Variants in EXOC6B observed in about 807,000 individuals in gnomAD.
EXOC6B encodes the protein SEC15 homolog B.
In EXOC6B, 54 loss-of-function variants were observed where a neutral mutation model predicts 113.5. The observed-to-expected ratio is 0.48, with a 90% CI of 0.38 to 0.60. The LOEUF (loss-of-function observed/expected upper bound fraction) is 0.60, where lower values mean the gene tolerates loss of function less well. Among genes scored for constraint, EXOC6B ranks in the 20% least tolerant of loss-of-function variants. The pLI is 0.00. For missense variants in EXOC6B, 797 were observed against 977.5 expected, an observed-to-expected ratio of 0.82 and a Z score of 2.46; for synonymous variants, 357 against 339.0, an observed-to-expected ratio of 1.05 and a Z score of -0.58.
chr2:72,619,745 A>C (rs1671631671), intron 6 of EXOC6B, among the ~76,000 whole-genome samples: 1 of 152,206 alleles, frequency 6.6e-6, no homozygotes, highest in African/African-American at 2.4e-5. Context: ...GAGGGAACTG[A>C]GGGACAGCTC....
chr2:72,638,716 G>T (rs1673016447), intron 6 of EXOC6B, among the ~76,000 whole-genome samples: 2 of 152,230 alleles, frequency 1.3e-5, no homozygotes, highest in Non-Finnish European at 1.5e-5. Context: ...GCTTAGAGAA[G>T]TGGTAGGGGC....
intron 8 of EXOC6B, among the ~76,000 whole-genome samples, chr2:72,520,941 C>T (rs550183374): frequency 6.6e-6 from 1 of 152,242 alleles, no homozygotes; most frequent in South Asian, 2.1e-4. Context: ...CCCAATTCCC[C>T]TTATCCCATA....
chr2:72,512,351 G>A (rs1409246492), intron 11 of EXOC6B, among the ~76,000 whole-genome samples: 15 of 8,326 alleles, frequency 1.8e-3, no homozygotes, highest in African/African-American at 3.4e-3. Flanking sequence ...AAGGAAGGAA[G>A]GAAGGAAGGA....
chr2:72,248,758 C>T (rs1044852344), intron 20 of EXOC6B, among the ~76,000 whole-genome samples: 3 of 152,094 alleles, frequency 2.0e-5, no homozygotes, highest in East Asian at 1.9e-4. Context: ...CAAAAAAAGA[C>T]ACACAGTGGC....
At chr2:72,297,515 C>T (rs1416107169) in intron 20 of EXOC6B, among the ~76,000 whole-genome samples, 2 of 152,102 alleles carry the variant, frequency 1.3e-5, no homozygotes, top group African/African-American at 4.8e-5. Context: ...TTCAGTTCTG[C>T]TCTGATCTTA....
chr2:72,736,310 TGGGCATCTTAGAGTAC>T (rs1680956889), intron 2 of EXOC6B, among the ~76,000 whole-genome samples: 6 of 152,166 alleles, frequency 3.9e-5, no homozygotes, highest in African/African-American at 1.4e-4. Context: ...AAAGAAATAA[TGGGCATCTTAGAGTAC>T]GATTTCTTTT....
intron 20 of EXOC6B, among the ~76,000 whole-genome samples, chr2:72,268,558 T>A (rs2104616345): frequency 6.6e-6 from 1 of 152,312 alleles, no homozygotes; most frequent in East Asian, 1.9e-4. Context: ...CTGTTGCTTG[T>A]AAATACTAAT....
rs916772179 is a variant in EXOC6B, at chr2:72,546,889, C to T, written c.915+12564G>A. 9.9e-5 allele frequency among the ~76,000 whole-genome samples: 15 copies of T among 152,194 alleles called. No individual in the cohort carries two copies. The South Asian group carries it at 3.1e-3, about 31-fold the overall frequency. Reference sequence around the variant, plus strand: ...CTTATGAGGCTTATACAAGGAGATACTCAAATGGAATTGGGGAAAGCCATT... The same window carrying T: ...CTTATGAGGCTTATACAAGGAGATATTCAAATGGAATTGGGGAAAGCCATT... On this transcript the variant is annotated intron_variant, in intron 8 of 21. Coordinates refer to ENST00000272427, the MANE Select transcript of EXOC6B (RefSeq NM_015189.3).
At chr2:72,439,145 T>C (rs1280749136) in intron 18 of EXOC6B, among the ~76,000 whole-genome samples, 1 of 152,032 alleles carries the variant, frequency 6.6e-6, no homozygotes, top group Non-Finnish European at 1.5e-5. Flanking sequence ...TAAAGAATAA[T>C]TATTTGTAAA....
At chr2:72,504,917 TTG>T (rs1700517763) in intron 11 of EXOC6B, among the ~76,000 whole-genome samples, 1 of 152,138 alleles carries the variant, frequency 6.6e-6, no homozygotes, top group Non-Finnish European at 1.5e-5. Context: ...GGTAAACTGT[TTG>T]TCTTTTGCTC....
chr2:72,381,956 T>C (rs1174288036), intron 18 of EXOC6B, among the ~76,000 whole-genome samples: 5 of 152,326 alleles, frequency 3.3e-5, no homozygotes, highest in African/African-American at 9.6e-5. Flanking sequence ...TAAAAAATAA[T>C]GATGACCTAT....
At chr2:72,544,665 G>T (rs550926766) in intron 8 of EXOC6B, among the ~76,000 whole-genome samples, 1 of 152,112 alleles carries the variant, frequency 6.6e-6, no homozygotes, top group Non-Finnish European at 1.5e-5. Flanking sequence ...ATTTGAAAGA[G>T]AGGGTGCCCT....
At chr2:72,341,883 ATCT>A (rs1242602508) in intron 19 of EXOC6B, among the ~76,000 whole-genome samples, 1 of 152,186 alleles carries the variant, frequency 6.6e-6, no homozygotes, top group African/African-American at 2.4e-5. Context: ...GATTGTAATC[ATCT>A]TAAGTACCTT....
chr2:72,178,393 T>C lies in EXOC6B; in HGVS notation c.*942A>G, dbSNP rs1274187316. The C allele has an allele frequency of 6.6e-6, 1 of 152,250 alleles. No individual in the cohort carries two copies. The highest frequency in any genetic ancestry group is 1.9e-4 in the East Asian group (1 of 5,202). 9.4% of individuals were successfully genotyped at this position (152,250 alleles called of 1,614,324 possible). A position where few individuals can be genotyped will look rare whatever the true frequency, so the allele number is the denominator to read the frequency against. ...CTAAGGGTAAGGTAAAGGCCATTTT[T>C]AGGCTTCCGAAATCTGAACTATTTC... On this transcript the variant is annotated 3_prime_UTR_variant, in exon 22 of 22. Coordinates refer to ENST00000272427, the MANE Select transcript of EXOC6B (RefSeq NM_015189.3).
chr2:72,619,179 C>CAGAGAG lies in EXOC6B; in HGVS notation c.670-43517_670-43512dup, dbSNP rs139874004. ...GAACAAAGACAGAGAAATACACAGC[C>CAGAGAG]AGAGAGAGAGAGAGAGAGAGAGAGA... On this transcript the variant is annotated intron_variant, in intron 6 of 21. Transcript: ENST00000272427. Among the ~76,000 whole-genome samples the CAGAGAG allele has an allele frequency of 4.1e-3, 592 of 145,892 alleles. 3 individuals carry two copies. Among genetic ancestry groups the CAGAGAG allele is most frequent in the African/African-American group, 0.014 (542 of 39,678 alleles).
chr2:72,789,183 T>C (rs758432337), intron 1 of EXOC6B, among the ~76,000 whole-genome samples: 5 of 152,236 alleles, frequency 3.3e-5, no homozygotes, highest in Admixed American at 6.5e-5. Flanking sequence ...CTTAGCACTA[T>C]CAAGCCTCCC....
At chr2:72,792,267 T>C (rs1684716357) in intron 1 of EXOC6B, among the ~76,000 whole-genome samples, 1 of 152,212 alleles carries the variant, frequency 6.6e-6, no homozygotes, top group South Asian at 2.1e-4. Flanking sequence ...CCGTGAACCC[T>C]TTGTCTAGGT....
At chr2:72,744,294 AT>A (rs1681549929) in intron 1 of EXOC6B, among the ~76,000 whole-genome samples, 1 of 152,210 alleles carries the variant, frequency 6.6e-6, no homozygotes, top group Non-Finnish European at 1.5e-5. Context: ...TCCAGTCAAG[AT>A]TCTGAACACT....
chr2:72,572,859 A>C (rs960205865), intron 7 of EXOC6B, among the ~76,000 whole-genome samples: 1 of 152,158 alleles, frequency 6.6e-6, no homozygotes, highest in African/African-American at 2.4e-5. Flanking sequence ...ATAAGGTAGA[A>C]TTTTTTTTAA....
Sources: gnomAD v4.1 joint callset for allele counts (sites outside exome capture counted in the v4.1 genomes callset) on GRCh38, gnomAD v4.1.1 for gene constraint, MANE v1.5 for transcripts, NCBI Gene and HGNC (gene_info 2026-07-23, HGNC 2026-07-21) for gene names.